Variants in SMG6 observed in about 807,000 individuals in gnomAD.
The protein encoded by SMG6 is telomerase-binding protein EST1A.
SMG6 carries 66 observed loss-of-function variants against 142.2 expected under a neutral mutation model. That is an observed-to-expected ratio of 0.46 (90% confidence interval 0.38 to 0.57). The LOEUF is 0.57. Ranked by LOEUF, SMG6 falls within the 20% of genes least tolerant of loss-of-function variation. SMG6 has a pLI of 0.00. For missense variants in SMG6, 1,793 were observed against 1,832.0 expected (o/e 0.98, Z 0.39); for synonymous variants, 779 against 702.4 (o/e 1.11, Z -1.72).
Position 2,298,929 on chromosome 17 carries a change from G to A in SMG6, c.1824C>T (p.Gly608=). 1.2e-6 allele frequency: 2 copies of A among 1,613,738 alleles called. No individual in the cohort carries two copies. The highest frequency in any genetic ancestry group is 1.7e-6 in the Non-Finnish European group (2 of 1,179,838). The stretch of plus-strand genomic sequence containing the variant: ...ACCTGAGTTGCGCCATCTTCTCCAG[G>A]CCCTCCGGACTGATGCGGTCCCTGG... ...LLSRDRISPE[G]LEKMAQLRAE... is the part of the protein sequence containing the mutation. Residue 608 remains glycine (G), a synonymous_variant, in exon 2 of 19, where the codon GGC becomes GGT. Transcript: ENST00000263073.
rs2068105790 is a variant in SMG6 at position 2,071,739 on chromosome 17, G to A, written c.3682-2808C>T. 1.2e-5 allele frequency among the ~76,000 whole-genome samples: 1 copy of A among 84,300 alleles called. No homozygotes were observed. 55.3% of individuals were successfully genotyped at this position (84,300 alleles called of 152,430 possible). A position where few individuals can be genotyped will look rare whatever the true frequency, so the allele number is the denominator to read the frequency against. On this transcript the variant is annotated intron_variant, in intron 15 of 18. Coordinates refer to ENST00000263073, the MANE Select transcript of SMG6 (RefSeq NM_017575.5). The surrounding 1 kb of genome is among the most constrained non-coding windows in gnomAD (Gnocchi z 5.6). ...TCCTGGGGTACCGGTGGGCCTCTGG[G>A]CGGGGGGGGTCACACCTGGGTCACA...
chr17:2,144,796 TG>T (rs781064315), intron 13 of SMG6, among the ~76,000 whole-genome samples: 89 of 152,230 alleles, frequency 5.8e-4, no homozygotes, highest in Non-Finnish European at 1.2e-3. Context: ...GGTTAGCTCA[TG>T]GTCGTAAAAT....
At chr17:2,125,666 A>C (rs1379470302) in intron 13 of SMG6, among the ~76,000 whole-genome samples, 1 of 152,208 alleles carries the variant, frequency 6.6e-6, no homozygotes, top group Non-Finnish European at 1.5e-5. Context: ...ATTCATATGG[A>C]ATCTAGCTGG....
At chr17:2,242,305 G>A (rs542398375) in intron 9 of SMG6, among the ~76,000 whole-genome samples, 153 of 145,622 alleles carry the variant, frequency 1.1e-3, no homozygotes, top group African/African-American at 3.2e-3. Context: ...GAGGTCAGGA[G>A]ATCGAGACCA....
intron 1 of SMG6, chr17:2,303,244 G>C: frequency 2.9e-6 from 3 of 1,038,134 alleles, no homozygotes; most frequent in African/African-American, 1.7e-5. Context: ...GCGGTGGCCG[G>C]GGCAGGCCCG....
intron 13 of SMG6, among the ~76,000 whole-genome samples, chr17:2,110,942 C>G (rs953085726): frequency 1.3e-5 from 2 of 152,144 alleles, no homozygotes; most frequent in African/African-American, 4.8e-5. Flanking sequence ...GGTGTTACGG[C>G]AAGAGCTGCC....
At chr17:2,074,887 G>C (rs1341216406) in intron 15 of SMG6, among the ~76,000 whole-genome samples, 2 of 152,234 alleles carry the variant, frequency 1.3e-5, no homozygotes, top group Non-Finnish European at 2.9e-5. Context: ...CTTTGAGCTT[G>C]CTCTGAGCAG....
chr17:2,149,641 G>A (rs1370703371), intron 13 of SMG6, among the ~76,000 whole-genome samples: 3 of 152,168 alleles, frequency 2.0e-5, no homozygotes, highest in South Asian at 2.1e-4. Flanking sequence ...CCTTGACATC[G>A]TGGTCTGACT....
chr17:2,228,607 C>T (rs983092435), intron 10 of SMG6, among the ~76,000 whole-genome samples: 1 of 152,190 alleles, frequency 6.6e-6, no homozygotes, highest in Admixed American at 6.5e-5. Context: ...AAGTGATCTG[C>T]CCGCCTCGGC....
chr17:2,278,190 C>A (rs145050784), intron 8 of SMG6, among the ~76,000 whole-genome samples: 1 of 149,302 alleles, frequency 6.7e-6, no homozygotes, highest in African/African-American at 2.4e-5. Context: ...CAAGTGACTG[C>A]CACTTTATAT....
chr17:2,282,181 T>A (rs913929749), intron 8 of SMG6, among the ~76,000 whole-genome samples: 1 of 152,124 alleles, frequency 6.6e-6, no homozygotes, highest in Non-Finnish European at 1.5e-5. Flanking sequence ...TTTTCTACTG[T>A]CATTTCTCCT....
Position 2,067,271 on chromosome 17 carries a change from C to A in SMG6, c.3835+1507G>T, listed in dbSNP as rs144933829. On this transcript the variant is annotated intron_variant, in intron 16 of 18. Coordinates refer to ENST00000263073, the MANE Select transcript of SMG6 (RefSeq NM_017575.5). The stretch of plus-strand genomic sequence containing the variant: ...CCTCAGGGCCAAGGGCTACAGCCTG[C>A]CTTTCACCGGATCAAGAACAAGGAG... Among the ~76,000 whole-genome samples, 14 of 152,314 alleles carry A rather than the reference C, an allele frequency of 9.2e-5. No homozygotes were observed. The East Asian group carries it at 1.2e-3, about 13-fold the overall frequency.
chr17:2,303,550 G>A, intron 1 of SMG6, 83 bp downstream of exon 1: 1 of 1,346,276 alleles, frequency 7.4e-7, no homozygotes, highest in Non-Finnish European at 9.5e-7. Context: ...CGGAGCCGAG[G>A]GCCGAGCGGG....
At chr17:2,064,992 G>T in intron 18 of SMG6, 81 bp downstream of exon 18, 1 of 1,105,852 alleles carries the variant, frequency 9.0e-7, no homozygotes, top group Non-Finnish European at 1.4e-6. Context: ...AGTCAGTGGA[G>T]CCCTTCTCAG....
At chr17:2,151,755 T>A (rs879780084) in intron 13 of SMG6, among the ~76,000 whole-genome samples, 1 of 152,236 alleles carries the variant, frequency 6.6e-6, no homozygotes, top group Non-Finnish European at 1.5e-5. Context: ...CCTACACCTA[T>A]GCGGCTGCCC....
intron 10 of SMG6, among the ~76,000 whole-genome samples, chr17:2,234,648 T>C (rs544134291): frequency 7.4e-4 from 112 of 152,164 alleles, no homozygotes; most frequent in Non-Finnish European, 1.2e-3. Context: ...GGTATTCCTT[T>C]CCATGGAATA....
At chr17:2,248,928 C>T (rs1428111391) in intron 8 of SMG6, among the ~76,000 whole-genome samples, 1 of 151,964 alleles carries the variant, frequency 6.6e-6, no homozygotes, top group Non-Finnish European at 1.5e-5. Context: ...GCTCTTTCAC[C>T]CAGGCTGGAG....
At chr17:2,271,939 C>T (rs913593632) in intron 8 of SMG6, among the ~76,000 whole-genome samples, 4 of 152,164 alleles carry the variant, frequency 2.6e-5, no homozygotes, top group Non-Finnish European at 5.9e-5. Context: ...AGTCAATCTC[C>T]ACCCTACCAA....
chr17:2,291,608 C>T (rs2075038660), intron 6 of SMG6, among the ~76,000 whole-genome samples: 1 of 151,732 alleles, frequency 6.6e-6, no homozygotes, highest in African/African-American at 2.4e-5. Flanking sequence ...TATTTCAATC[C>T]ATAATTATTA....
Sources: allele counts gnomAD v4.1 joint callset (sites outside exome capture counted in the v4.1 genomes callset), GRCh38; gene constraint gnomAD v4.1.1; non-coding constraint Gnocchi (gnomAD v3.1); transcripts MANE v1.5; gene names NCBI Gene and HGNC (gene_info 2026-07-23, HGNC 2026-07-21).